The following RMDN2 variants were observed in gnomAD, a reference collection of about 807,000 sequenced individuals.
RMDN2 encodes regulator of microtubule dynamics protein 2.
A neutral mutation model predicts 52.8 loss-of-function variants in RMDN2; 61 were observed. The ratio of observed to expected loss-of-function variants is 1.16; its 90% CI spans 0.94 to 1.43. The LOEUF (loss-of-function observed/expected upper bound fraction) is 1.43, where lower values mean the gene tolerates loss of function less well. Among genes scored for constraint, RMDN2 ranks in the 40% most tolerant of loss-of-function variants. The pLI, the probability that RMDN2 is intolerant of heterozygous loss-of-function variation, is 0.00. For missense variants in RMDN2, 592 were observed against 475.3 expected (o/e 1.25, Z -2.28); for synonymous variants, 180 against 153.1 (o/e 1.18, Z -1.30).
chr2:37,921,623 T>C (rs531552100), upstream of RMDN2, among the ~76,000 whole-genome samples: 8 of 152,342 alleles, frequency 5.3e-5, 1 homozygote, highest in South Asian at 1.2e-3. Flanking sequence ...AATATCACAT[T>C]AGAAGGGCTA....
chr2:38,005,644 CT>C (rs1290663264), intron 10 of RMDN2, among the ~76,000 whole-genome samples: 4 of 152,144 alleles, frequency 2.6e-5, no homozygotes, highest in African/African-American at 9.7e-5. Context: ...TTCTCCCATT[CT>C]GTAGGTTGCC....
chr2:37,952,172 A>C, intron 2 of RMDN2: 3 of 1,612,922 alleles, frequency 1.9e-6, no homozygotes, highest in Non-Finnish European at 2.5e-6. Flanking sequence ...ATGAAGACAG[A>C]TCTTCACCTA....
At chr2:38,000,826 G>C (rs1157790031) in intron 8 of RMDN2, among the ~76,000 whole-genome samples, 2 of 152,172 alleles carry the variant, frequency 1.3e-5, no homozygotes, top group Non-Finnish European at 2.9e-5. Flanking sequence ...GTTTGGTATT[G>C]ACATATTTTA....
chr2:37,996,922 C>T (rs754033028), intron 7 of RMDN2, among the ~76,000 whole-genome samples: 3 of 152,034 alleles, frequency 2.0e-5, no homozygotes, highest in Non-Finnish European at 4.4e-5. Flanking sequence ...TTGAGGATCC[C>T]TATTCTATTT....
rs560902688 is a variant in RMDN2 at position 37,955,816 on chromosome 2, T to C, written c.453-18224T>C. 5.3e-5 allele frequency among the ~76,000 whole-genome samples: 8 copies of C among 152,300 alleles called. No homozygotes were observed. The South Asian group carries it at 1.4e-3, about 28-fold the overall frequency. ...CTTCCCAGTCTCGGGTATGTCTTTG[T>C]CAGCAGCATAAAAACAGACTAATAC... On this transcript the variant is annotated intron_variant, in intron 2 of 10. Transcript: ENST00000354545.
intron 1 of RMDN2, among the ~76,000 whole-genome samples, chr2:37,925,755 A>G (rs1666224194): frequency 6.6e-6 from 1 of 151,960 alleles, no homozygotes; most frequent in Admixed American, 6.6e-5. Flanking sequence ...TGGTCCCTGC[A>G]AACCCCAAAG....
chr2:37,979,822 T>G (rs1353102956), intron 4 of RMDN2, among the ~76,000 whole-genome samples: 1 of 152,208 alleles, frequency 6.6e-6, no homozygotes, highest in Non-Finnish European at 1.5e-5. Context: ...GCTGAAAGTT[T>G]TATTCATTTG....
chr2:38,051,713 C>G (rs955300974), intron 10 of RMDN2, among the ~76,000 whole-genome samples: 12 of 152,140 alleles, frequency 7.9e-5, no homozygotes, highest in Non-Finnish European at 1.6e-4. Flanking sequence ...TCATTCTACT[C>G]TCTCTCTCTA....
At chr2:37,952,638 C>G in intron 2 of RMDN2, 1 of 192,202 alleles carries the variant, frequency 5.2e-6, no homozygotes, top group Non-Finnish European at 1.1e-5. Context: ...CTATTTTCAT[C>G]AATTCACACA....
intron 10 of RMDN2, among the ~76,000 whole-genome samples, chr2:38,014,622 T>C (rs1021627723): frequency 1.3e-4 from 20 of 152,360 alleles, no homozygotes; most frequent in African/African-American, 4.8e-4. Context: ...CTCTCTCTTA[T>C]TTATCCAGTC....
intron 4 of RMDN2, among the ~76,000 whole-genome samples, chr2:37,978,944 T>G (rs1672944458): frequency 6.6e-6 from 1 of 152,208 alleles, no homozygotes; most frequent in Admixed American, 6.5e-5. Flanking sequence ...TGGATCTCTA[T>G]TCTTAAATGG....
intron 2 of RMDN2, among the ~76,000 whole-genome samples, chr2:37,968,883 A>C (rs1323035587): frequency 6.6e-6 from 1 of 152,222 alleles, no homozygotes; most frequent in Non-Finnish European, 1.5e-5. Context: ...TTCTAACCCA[A>C]AGTTAATAAA....
chr2:37,941,493 C>G (rs571232993), intron 2 of RMDN2, among the ~76,000 whole-genome samples: 3 of 152,346 alleles, frequency 2.0e-5, no homozygotes, highest in East Asian at 1.9e-4. Flanking sequence ...GCTGCGCCCA[C>G]AGCCGCGCCT....
At chr2:37,996,478 A>C (rs895907290) in intron 7 of RMDN2, among the ~76,000 whole-genome samples, 1 of 151,494 alleles carries the variant, frequency 6.6e-6, no homozygotes, top group Non-Finnish European at 1.5e-5. Context: ...CCAACTGTTC[A>C]GGAGGCTGAA....
chr2:38,050,989 C>T (rs1681562030), intron 10 of RMDN2, among the ~76,000 whole-genome samples: 1 of 152,104 alleles, frequency 6.6e-6, no homozygotes, highest in Admixed American at 6.5e-5. Context: ...TCTCAAACTC[C>T]CAACCTCAGG....
chr2:37,992,265 C>G (rs998419090), intron 7 of RMDN2, among the ~76,000 whole-genome samples: 1 of 152,088 alleles, frequency 6.6e-6, no homozygotes, highest in Admixed American at 6.5e-5. Flanking sequence ...AATTTATGCT[C>G]TTTATATTGT....
intron 2 of RMDN2, among the ~76,000 whole-genome samples, chr2:37,931,569 T>TA (rs1382918598): frequency 6.6e-6 from 1 of 152,218 alleles, no homozygotes; most frequent in Non-Finnish European, 1.5e-5. Flanking sequence ...GCCTTCAATC[T>TA]AAAAGGACAC....
At chr2:37,957,172 C>T (rs996372854) in intron 2 of RMDN2, among the ~76,000 whole-genome samples, 13 of 152,070 alleles carry the variant, frequency 8.5e-5, no homozygotes, top group African/African-American at 4.8e-5. Flanking sequence ...GTATATATCC[C>T]GTTAATGGGA....
At chr2:37,932,062 T>G (rs926883375) in intron 2 of RMDN2, among the ~76,000 whole-genome samples, 3 of 151,234 alleles carry the variant, frequency 2.0e-5, no homozygotes, top group African/African-American at 4.8e-5. Context: ...ATTTATTTAT[T>G]TTATTTATTT....
Sources: allele counts gnomAD v4.1 joint callset (sites outside exome capture counted in the v4.1 genomes callset), GRCh38; gene constraint gnomAD v4.1.1; transcripts MANE v1.5; gene names NCBI Gene and HGNC (gene_info 2026-07-23, HGNC 2026-07-21).